Variants in PGCKA1 observed in about 807,000 individuals in gnomAD.
PGCKA1 encodes the protein PDCD10 and GCKIII kinases-associated protein 1.
chr4:37,561,410 A>G, the PGCKA1 span, among the ~76,000 whole-genome samples: 2 of 152,234 alleles, frequency 1.3e-5, no homozygotes, highest in Non-Finnish European at 1.5e-5. Context: ...GTGAAAGGTG[A>G]TATGAGGTGG....
the PGCKA1 span, among the ~76,000 whole-genome samples, chr4:37,544,728 CTTGGGGTTTGGG>C: frequency 9.8e-3 from 1,486 of 150,880 alleles, 25 homozygotes; most frequent in African/African-American, 0.034. Context: ...TTGTCAGTGG[CTTGGGGTTTGGG>C]TTGGGGGTTG....
chr4:37,549,257 C>T, the PGCKA1 span, among the ~76,000 whole-genome samples: 15 of 152,224 alleles, frequency 9.9e-5, no homozygotes, highest in East Asian at 7.7e-4. Flanking sequence ...TGGACCTTTA[C>T]TGGGCACTCT....
At chr4:37,573,719 T>A in the PGCKA1 span, among the ~76,000 whole-genome samples, 55 of 152,354 alleles carry the variant, frequency 3.6e-4, no homozygotes, top group African/African-American at 1.2e-3. Context: ...TTATGAAATC[T>A]TCTTGCATAC....
the PGCKA1 span, among the ~76,000 whole-genome samples, chr4:37,563,370 G>A: frequency 6.6e-5 from 10 of 152,190 alleles, no homozygotes; most frequent in South Asian, 2.1e-4. Context: ...GTGTCCTCAC[G>A]TGCCCTCTCC....
At chr4:37,495,895 C>G in the PGCKA1 span, among the ~76,000 whole-genome samples, 2 of 152,178 alleles carry the variant, frequency 1.3e-5, no homozygotes, top group Non-Finnish European at 2.9e-5. Flanking sequence ...CCTCTGCCAA[C>G]TTTTTAATGG....
At chr4:37,572,063 CTT>C in the PGCKA1 span, among the ~76,000 whole-genome samples, 1 of 89,968 alleles carries the variant, frequency 1.1e-5, no homozygotes, top group Non-Finnish European at 2.0e-5. Context: ...TTTTTTTTTT[CTT>C]TTTTTTTTTT....
chr4:37,543,902 G>A, the PGCKA1 span, among the ~76,000 whole-genome samples: 1 of 151,634 alleles, frequency 6.6e-6, no homozygotes, highest in Non-Finnish European at 1.5e-5. Context: ...GCCCTCTCTT[G>A]TATACACTGG....
At chr4:37,502,284 C>T in the PGCKA1 span, among the ~76,000 whole-genome samples, 1 of 152,194 alleles carries the variant, frequency 6.6e-6, no homozygotes, top group East Asian at 1.9e-4. Flanking sequence ...GTGCCGGGGG[C>T]CTGCCTCCAT....
chr4:37,466,455 G>A, the PGCKA1 span, among the ~76,000 whole-genome samples: 1 of 152,142 alleles, frequency 6.6e-6, no homozygotes, highest in African/African-American at 2.4e-5. Context: ...ATAGTTGGTG[G>A]TCTTTATTTT....
the PGCKA1 span, among the ~76,000 whole-genome samples, chr4:37,453,669 G>A: frequency 1.3e-5 from 2 of 151,130 alleles, no homozygotes; most frequent in Non-Finnish European, 2.9e-5. Context: ...GGAGTTTCCC[G>A]TGATGGCAGG....
the PGCKA1 span, among the ~76,000 whole-genome samples, chr4:37,484,403 C>T: frequency 1.3e-5 from 2 of 152,120 alleles, no homozygotes; most frequent in Non-Finnish European, 2.9e-5. Context: ...GGAAACCATC[C>T]CCATGATTCA....
At chr4:37,553,673 A>G in the PGCKA1 span, among the ~76,000 whole-genome samples, 1 of 152,200 alleles carries the variant, frequency 6.6e-6, no homozygotes, top group East Asian at 1.9e-4. Context: ...TAAAAGGTAA[A>G]TGAATACACG....
the PGCKA1 span, among the ~76,000 whole-genome samples, chr4:37,570,060 A>G: frequency 1.3e-5 from 2 of 148,302 alleles, no homozygotes; most frequent in African/African-American, 5.0e-5. Context: ...GCTCACTGCA[A>G]GCTCCGCCTC....
chr4:37,527,329 A>G, the PGCKA1 span, among the ~76,000 whole-genome samples: 1 of 152,180 alleles, frequency 6.6e-6, no homozygotes, highest in Non-Finnish European at 1.5e-5. Flanking sequence ...CTAAGTGTGC[A>G]GTGTTTATGA....
the PGCKA1 span, among the ~76,000 whole-genome samples, chr4:37,573,047 C>T: frequency 6.6e-6 from 1 of 152,188 alleles, no homozygotes; most frequent in Non-Finnish European, 1.5e-5. Flanking sequence ...TGTATACCCA[C>T]CACCAATCCA....
the PGCKA1 span, chr4:37,590,960 A>G: frequency 6.2e-7 from 1 of 1,613,722 alleles, no homozygotes; most frequent in Non-Finnish European, 8.5e-7. Flanking sequence ...GCAGCTTTAG[A>G]AGCTGCTACT....
chr4:37,465,418 G>A, the PGCKA1 span, among the ~76,000 whole-genome samples: 1 of 152,116 alleles, frequency 6.6e-6, no homozygotes, highest in South Asian at 2.1e-4. Flanking sequence ...TGGCTTCCCT[G>A]AGGAAGGGAT....
At chr4:37,528,331 C>G in the PGCKA1 span, among the ~76,000 whole-genome samples, 1 of 152,174 alleles carries the variant, frequency 6.6e-6, no homozygotes, top group African/African-American at 2.4e-5. Context: ...CTAGTGCTCA[C>G]TGTTTGGTTT....
the PGCKA1 span, among the ~76,000 whole-genome samples, chr4:37,472,932 T>C: frequency 6.6e-6 from 1 of 152,194 alleles, no homozygotes; most frequent in Non-Finnish European, 1.5e-5. Flanking sequence ...TAGGATTAAA[T>C]GGTAACCATA....
Sources: allele counts gnomAD v4.1 joint callset (sites outside exome capture counted in the v4.1 genomes callset), GRCh38; gene constraint gnomAD v4.1.1; transcripts MANE v1.5; gene names NCBI Gene and HGNC (gene_info 2026-07-23, HGNC 2026-07-21).